The following SH3RF1 variants were observed in gnomAD, a reference collection of about 807,000 sequenced individuals.
SH3RF1 encodes the protein E3 ubiquitin-protein ligase SH3RF1.
SH3RF1 carries 32 observed loss-of-function variants against 74.0 expected under a neutral mutation model. The observed-to-expected ratio is 0.43, with a 90% confidence interval of 0.33 to 0.58. The LOEUF (loss-of-function observed/expected upper bound fraction) is 0.58, where lower values mean the gene tolerates loss of function less well. Ranked by LOEUF, SH3RF1 falls within the 20% of genes least tolerant of loss-of-function variation. SH3RF1 has a pLI of 0.05. For missense variants in SH3RF1, 954 were observed against 1,130.9 expected (o/e 0.84, Z 2.24); for synonymous variants, 396 against 439.6 (o/e 0.90, Z 1.24).
chr4:169,133,991 T>C (rs928959451), intron 5 of SH3RF1, among the ~76,000 whole-genome samples: 1 of 152,146 alleles, frequency 6.6e-6, no homozygotes, highest in African/African-American at 2.4e-5. Flanking sequence ...TCTCCATGGT[T>C]GGAAGAGTTT....
In SH3RF1 at chr4:169,096,568, C is replaced by T. The variant is rs762895708; in HGVS notation, c.2618G>A (p.Arg873His). The change falls in exon 12 of 12, where the codon CGT (arginine) becomes CAT (histidine). Residue 873 changes from arginine to histidine, a missense_variant. Arg to His is a conservative substitution (Grantham distance 29). Around this residue, in one of 3 missense-constraint regions of SH3RF1, gnomAD observed 36 missense variants for 66.5 expected, o/e 0.54. Coordinates refer to ENST00000284637, the MANE Select transcript of SH3RF1 (RefSeq NM_020870.4). ...EDGWFKGTLQ[R>H]NGKTGLFPGS... ...TGGGAAAAGGCCAGTTTTCCCATTA[C>T]GTTGTAATGTGCCTTTGAACCAGCC... The T allele has an allele frequency of 5.0e-6, 8 of 1,614,018 alleles. No homozygotes were observed. The highest frequency in any genetic ancestry group is 1.1e-5 in the South Asian group (1 of 91,068).
At chr4:169,156,306 GTAT>G in intron 3 of SH3RF1, 95 bp downstream of exon 3, 1 of 1,353,620 alleles carries the variant, frequency 7.4e-7, no homozygotes, top group Non-Finnish European at 9.8e-7. Context: ...CACAAAACTT[GTAT>G]TTTTTTTTGC....
At chr4:169,184,277 C>T (rs1348934933) in intron 2 of SH3RF1, among the ~76,000 whole-genome samples, 1 of 152,204 alleles carries the variant, frequency 6.6e-6, no homozygotes, top group Non-Finnish European at 1.5e-5. Flanking sequence ...GCTTTTTCAC[C>T]TCTAAATTTT....
chr4:169,209,934 C>A (rs1730330388), intron 2 of SH3RF1, among the ~76,000 whole-genome samples: 1 of 152,048 alleles, frequency 6.6e-6, no homozygotes, highest in Non-Finnish European at 1.5e-5. Flanking sequence ...GGACTACAGG[C>A]ACGCATCACC....
At chr4:169,097,995 C>T (rs147862302) in intron 11 of SH3RF1, among the ~76,000 whole-genome samples, 6 of 152,338 alleles carry the variant, frequency 3.9e-5, no homozygotes, top group African/African-American at 1.4e-4. Context: ...AATAAGCCAT[C>T]TTAGAAGGGG....
chr4:169,204,106 G>T (rs558293084), intron 2 of SH3RF1: 1 of 151,926 alleles, frequency 6.6e-6, no homozygotes, highest in African/African-American at 2.4e-5. Flanking sequence ...AGAACTCAAG[G>T]GTAAGTAAAA....
intron 2 of SH3RF1, among the ~76,000 whole-genome samples, chr4:169,260,004 A>G (rs1731252298): frequency 6.6e-6 from 1 of 152,210 alleles, no homozygotes; most frequent in Non-Finnish European, 1.5e-5. Context: ...AACTACATTA[A>G]GCAATATACT....
At chr4:169,176,539 G>A (rs1734424328) in intron 2 of SH3RF1, among the ~76,000 whole-genome samples, 1 of 152,008 alleles carries the variant, frequency 6.6e-6, no homozygotes, top group Non-Finnish European at 1.5e-5. Flanking sequence ...AAATGTTGAG[G>A]GTTTTGTTTG....
rs17054780 is a variant in SH3RF1 at position 169,151,194 on chromosome 4, C to T, written c.765+4286G>A. On this transcript the variant is annotated intron_variant, in intron 4 of 11. Coordinates refer to ENST00000284637, the MANE Select transcript of SH3RF1 (RefSeq NM_020870.4). ...GCGCTGTGCAAAGACCCTGCGGAACCGGCCCTTGGGAGTTTGAATTCTAAT... is the reference window on the plus strand; with the variant it reads ...GCGCTGTGCAAAGACCCTGCGGAACTGGCCCTTGGGAGTTTGAATTCTAAT... Among the ~76,000 whole-genome samples the T allele has an allele frequency of 3.8e-3, 583 of 152,216 alleles. 5 individuals carry two copies. Among genetic ancestry groups the T allele is most frequent in the African/African-American group, 0.013 (551 of 41,534 alleles).
At chr4:169,119,250 C>T (rs1372715403) in intron 8 of SH3RF1, among the ~76,000 whole-genome samples, 2 of 149,328 alleles carry the variant, frequency 1.3e-5, no homozygotes, top group African/African-American at 2.5e-5. Flanking sequence ...TCTACAGGCA[C>T]GTGCCACCAT....
At chr4:169,143,708 T>C (rs561212135) in intron 4 of SH3RF1, among the ~76,000 whole-genome samples, 1 of 152,238 alleles carries the variant, frequency 6.6e-6, no homozygotes, top group East Asian at 1.9e-4. Context: ...CCTCACTACA[T>C]CCTGCCAAGG....
intron 2 of SH3RF1, among the ~76,000 whole-genome samples, chr4:169,186,166 C>T (rs968830867): frequency 6.6e-6 from 1 of 152,108 alleles, no homozygotes; most frequent in African/African-American, 2.4e-5. Flanking sequence ...CCAGCAAGAG[C>T]GATGACTGCC....
intron 4 of SH3RF1, among the ~76,000 whole-genome samples, chr4:169,145,328 A>C (rs1733857088): frequency 6.6e-6 from 1 of 152,138 alleles, no homozygotes; most frequent in Non-Finnish European, 1.5e-5. Context: ...GAAATCACTC[A>C]GAAACAGAAA....
At chr4:169,161,867 G>A (rs951514586) in intron 2 of SH3RF1, among the ~76,000 whole-genome samples, 2 of 152,168 alleles carry the variant, frequency 1.3e-5, no homozygotes, top group African/African-American at 4.8e-5. Flanking sequence ...AAAAATGGGT[G>A]GAAGAAACAA....
At chr4:169,136,051 T>A (rs749837412) in intron 5 of SH3RF1, among the ~76,000 whole-genome samples, 48 of 152,354 alleles carry the variant, frequency 3.2e-4, no homozygotes, top group Non-Finnish European at 6.6e-4. Flanking sequence ...TTGGTGAAAC[T>A]GGTAAGTATT....
intron 2 of SH3RF1, chr4:169,166,369 G>C: frequency 6.3e-6 from 1 of 159,474 alleles, no homozygotes; most frequent in Admixed American, 6.3e-5. Context: ...GTAACTTCAA[G>C]GCTAAAAGCC....
intron 2 of SH3RF1, among the ~76,000 whole-genome samples, chr4:169,194,953 C>T (rs1734786056): frequency 6.6e-6 from 1 of 152,168 alleles, no homozygotes; most frequent in South Asian, 2.1e-4. Context: ...TATTTTAAAA[C>T]CCAAGAAGAC....
chr4:169,237,973 C>T (rs1730847086), intron 2 of SH3RF1, among the ~76,000 whole-genome samples: 2 of 152,048 alleles, frequency 1.3e-5, no homozygotes, highest in African/African-American at 2.4e-5. Context: ...AGCAAGAGTC[C>T]TATTAGGTCG....
chr4:169,098,525 G>GT (rs1300302900), intron 11 of SH3RF1, among the ~76,000 whole-genome samples: 1 of 152,212 alleles, frequency 6.6e-6, no homozygotes, highest in Non-Finnish European at 1.5e-5. Context: ...TCTGCAAAAG[G>GT]TAAGTGGCTG....
Sources: gnomAD v4.1 joint callset for allele counts (sites outside exome capture counted in the v4.1 genomes callset) on GRCh38, gnomAD v4.1.1 for gene constraint, gnomAD v4.1.1 regional missense constraint, MANE v1.5 for transcripts, NCBI Gene and HGNC (gene_info 2026-07-23, HGNC 2026-07-21) for gene names.